The following ZFP69 variants were observed in gnomAD, a reference collection of about 807,000 sequenced individuals.
ZFP69 encodes the protein zinc finger protein 69 homolog.
Under a neutral mutation model 48.9 loss-of-function variants are expected in ZFP69, and 35 were observed. The ratio of observed to expected loss-of-function variants is 0.72; its 90% CI spans 0.55 to 0.95. The LOEUF (loss-of-function observed/expected upper bound fraction) is 0.95. ZFP69 is among the 40% of genes least tolerant of loss of function. ZFP69 has a pLI of 0.00. For synonymous variants in ZFP69, 193 were observed against 216.8 expected (o/e 0.89, Z 0.96); for missense variants, 557 against 638.4 (o/e 0.87, Z 1.37).
intron 5 of ZFP69, among the ~76,000 whole-genome samples, chr1:40,494,711 T>A (rs139169843): frequency 0.21 from 31,159 of 145,170 alleles, 3,395 homozygotes; most frequent in Middle Eastern, 0.33. Flanking sequence ...TATATATATA[T>A]AAATATATAT....
intron 2 of ZFP69, 36 bp downstream of exon 2, chr1:40,479,524 C>A: frequency 1.3e-6 from 2 of 1,581,466 alleles, no homozygotes; most frequent in Non-Finnish European, 1.7e-6. Flanking sequence ...AGAAGGGGAT[C>A]TCATTTGTGT....
At chr1:40,481,224 G>A (rs1261358778) in intron 2 of ZFP69, among the ~76,000 whole-genome samples, 1 of 144,346 alleles carries the variant, frequency 6.9e-6, no homozygotes, top group Non-Finnish European at 1.5e-5. Context: ...GTGCCTTGAA[G>A]AAAATGGGGC....
intron 3 of ZFP69, among the ~76,000 whole-genome samples, chr1:40,484,883 CTTTTTTTTTTTT>C (rs71060386): frequency 6.8e-5 from 3 of 44,384 alleles, no homozygotes; most frequent in Admixed American, 4.1e-4. Context: ...GCCTGGCCTG[CTTTTTTTTTTTT>C]TTTTTTTTTT....
chr1:40,479,352 G>A lies in ZFP69; in HGVS notation c.-10G>A, dbSNP rs1396476632. ...CACCAGAAGTGGACAAGTCCAGTAA[G>A]GCAGGCATCATGCCACAGCAGCTCC... On this transcript the variant is annotated 5_prime_UTR_variant, in exon 2 of 6. Coordinates refer to ENST00000372706, the MANE Select transcript of ZFP69 (RefSeq NM_001320179.2). The A allele has an allele frequency of 1.9e-6, 3 of 1,613,214 alleles. No homozygotes were observed. The African/African-American group carries it at 4.0e-5, about 22-fold the overall frequency.
chr1:40,483,250 G>T (rs1201749567), intron 3 of ZFP69, among the ~76,000 whole-genome samples: 3 of 76,484 alleles, frequency 3.9e-5, no homozygotes, highest in African/African-American at 2.6e-4. Context: ...TTTTTTTAGA[G>T]ACTGAGTCTC....
chr1:40,489,866 CTTTTTTTTTTT>C (rs374820239), intron 5 of ZFP69, among the ~76,000 whole-genome samples: 21,132 of 115,562 alleles, frequency 0.18, 1,772 homozygotes, highest in Middle Eastern at 0.31. Flanking sequence ...TTTTCTTTTT[CTTTTTTTTTTT>C]TTTTTTTTTT....
In ZFP69 at chr1:40,496,224, C is replaced by T. The variant is rs1294897367; in HGVS notation, c.*165C>T. On this transcript the variant is annotated 3_prime_UTR_variant, in exon 6 of 6. Coordinates refer to ENST00000372706, the MANE Select transcript of ZFP69 (RefSeq NM_001320179.2). Reference sequence around the variant, plus strand: ...TGACAGGTATTGACTACTAACACCTCTAAAAAGTACTTAAGATTAAAATCT... The same window carrying T: ...TGACAGGTATTGACTACTAACACCTTTAAAAAGTACTTAAGATTAAAATCT... 1 of 546,148 alleles carries T rather than the reference C, an allele frequency of 1.8e-6. No homozygotes were observed. The highest frequency in any genetic ancestry group is 1.9e-5 in the African/African-American group (1 of 52,976). The allele number at this position is 546,148 out of a possible 1,614,324, so 33.8% of individuals were successfully genotyped here.
intron 3 of ZFP69, among the ~76,000 whole-genome samples, chr1:40,487,082 G>A (rs1645508231): frequency 6.6e-6 from 1 of 151,860 alleles, no homozygotes; most frequent in Non-Finnish European, 1.5e-5. Flanking sequence ...GCACCACCAT[G>A]CCCAGCTAAT....
In ZFP69 at chr1:40,495,961, T is replaced by C. The variant is rs898578858; in HGVS notation, c.1483T>C (p.Tyr495His). The C allele has an allele frequency of 2.5e-6, 4 of 1,614,082 alleles. No individual in the cohort carries two copies. The highest frequency in any genetic ancestry group is 3.4e-6 in the Non-Finnish European group (4 of 1,180,042). Residue 495 changes from tyrosine to histidine, a missense_variant, in exon 6 of 6, where the codon TAC (tyrosine) becomes CAC (histidine). Tyr to His is a moderately conservative substitution (Grantham distance 83). Coordinates refer to ENST00000372706, the MANE Select transcript of ZFP69 (RefSeq NM_001320179.2). ...HQRHHTGEKP[Y>H]ECNECGKAFS... is the part of the protein sequence containing the mutation. ...GAGACATCACACTGGAGAAAAACCT[T>C]ACGAATGTAACGAATGTGGAAAAGC...
chr1:40,495,924 T>G lies in ZFP69; in HGVS notation c.1446T>G (p.Phe482Leu). ...AAGCCTATAGGCATGATTCATCCTTTAAAAAACATCAGAGACATCACACTG... is the reference window on the plus strand; with the variant it reads ...AAGCCTATAGGCATGATTCATCCTTGAAAAAACATCAGAGACATCACACTG... ...CGKAYRHDSSFKKHQRHHTGE... is the reference protein window; with the variant it reads ...CGKAYRHDSSLKKHQRHHTGE... The change falls in exon 6 of 6, where the codon TTT (phenylalanine) becomes TTG (leucine). Residue 482 changes from phenylalanine (F) to leucine (L), a missense_variant. By Grantham distance (22) the Phe-to-Leu change is conservative. Transcript: ENST00000372706. 1 of 1,614,132 alleles carries G rather than the reference T, an allele frequency of 6.2e-7. No homozygotes were observed. Among genetic ancestry groups the G allele is most frequent in the Non-Finnish European group, 8.5e-7 (1 of 1,180,028 alleles).
At position 40,479,185 on chromosome 1, in the gene ZFP69, T is replaced by C. The variant is rs1645419261; in HGVS notation, c.-177T>C. 4 of 715,776 alleles carry C rather than the reference T, an allele frequency of 5.6e-6. No individual in the cohort carries two copies. The highest frequency in any genetic ancestry group is 9.2e-6 in the Non-Finnish European group (4 of 436,166). 44.3% of individuals were successfully genotyped at this position (715,776 alleles called of 1,614,324 possible). A position where few individuals can be genotyped will look rare whatever the true frequency, so the allele number is the denominator to read the frequency against. On this transcript the variant is annotated 5_prime_UTR_variant, in exon 2 of 6. Coordinates refer to ENST00000372706, the MANE Select transcript of ZFP69 (RefSeq NM_001320179.2). ...TTAAAGGGGAGTTTGTTTTCCAGAATTGTTAAAGTCACATCAGTCTCTAGG... is the reference window on the plus strand; with the variant it reads ...TTAAAGGGGAGTTTGTTTTCCAGAACTGTTAAAGTCACATCAGTCTCTAGG...
intron 3 of ZFP69, among the ~76,000 whole-genome samples, chr1:40,488,227 AC>A (rs1213056609): frequency 6.6e-6 from 1 of 151,580 alleles, no homozygotes; most frequent in African/African-American, 2.4e-5. Flanking sequence ...CTATTTCCAA[AC>A]CCTTTCGTCT....
At position 40,477,616 on chromosome 1, in the gene ZFP69, C is replaced by T. The variant is rs1366660491; in HGVS notation, c.-605C>T. 6.6e-6 allele frequency: 1 copy of T among 152,250 alleles called. No homozygotes were observed. The highest frequency in any genetic ancestry group is 1.9e-4 in the East Asian group (1 of 5,174). 9.4% of individuals were successfully genotyped at this position (152,250 alleles called of 1,614,324 possible). A position where few individuals can be genotyped will look rare whatever the true frequency, so the allele number is the denominator to read the frequency against. ...GGCGCTGCTGGGAAAGCCCACCCGCCTGGGCGGGCCCTTGATGGGAATGTG... is the reference window on the plus strand; with the variant it reads ...GGCGCTGCTGGGAAAGCCCACCCGCTTGGGCGGGCCCTTGATGGGAATGTG... On this transcript the variant is annotated 5_prime_UTR_variant, in exon 1 of 6. Transcript: ENST00000372706. This position sits in a 1 kb window ranked among gnomAD's most constrained non-coding sequence, Gnocchi z 4.0.
intron 3 of ZFP69, among the ~76,000 whole-genome samples, chr1:40,484,074 T>C (rs1645470531): frequency 6.6e-6 from 1 of 152,102 alleles, no homozygotes; most frequent in Non-Finnish European, 1.5e-5. Flanking sequence ...AAACTCCGTC[T>C]CAAAAAAAAT....
chr1:40,489,198 C>CA lies in ZFP69; in HGVS notation c.332dup (p.Asn111LysfsTer13), dbSNP rs764982927. 1 of 1,614,110 alleles carries CA rather than the reference C, an allele frequency of 6.2e-7. No individual in the cohort carries two copies. The highest frequency in any genetic ancestry group is 1.1e-5 in the South Asian group (1 of 91,070). On this transcript the variant is annotated frameshift_variant, in exon 4 of 6. Coordinates refer to ENST00000372706, the MANE Select transcript of ZFP69 (RefSeq NM_001320179.2). LOFTEE classifies it high-confidence loss of function. ...GAGAGGTGATGCTGGAGAACTACAG[C>CA]AACTTGGTGTCAGTGGGTAAGACTT...
intron 3 of ZFP69, among the ~76,000 whole-genome samples, chr1:40,483,011 T>C (rs1358364552): frequency 6.6e-6 from 1 of 152,136 alleles, no homozygotes; most frequent in African/African-American, 2.4e-5. Context: ...ACACTACGTC[T>C]AACAACTACA....
chr1:40,481,792 AAGACCC>A lies in ZFP69; in HGVS notation c.161_166del (p.Thr54_Gln55del), dbSNP rs1171219319. ...GCTGTCTCAGGATGCTGAGGACGTA[AAGACCC>A]AGAGAGAAAGTTTAGAGGATGAAGT... On this transcript the variant is annotated inframe_deletion, in exon 3 of 6. Coordinates refer to ENST00000372706, the MANE Select transcript of ZFP69 (RefSeq NM_001320179.2). The A allele has an allele frequency of 5.6e-6, 9 of 1,612,432 alleles. No homozygotes were observed. Among genetic ancestry groups the A allele is most frequent in the Non-Finnish European group, 7.6e-6 (9 of 1,178,978 alleles).
chr1:40,493,614 T>A (rs1256069023), intron 5 of ZFP69: 1 of 137,492 alleles, frequency 7.3e-6, no homozygotes, highest in Non-Finnish European at 1.5e-5. Context: ...TAGGGAGGGA[T>A]GCATAAATGG....
chr1:40,482,998 G>A (rs1338326760), intron 3 of ZFP69, among the ~76,000 whole-genome samples: 3 of 151,978 alleles, frequency 2.0e-5, no homozygotes, highest in Non-Finnish European at 4.4e-5. Context: ...TAACACTTAC[G>A]GAACACTACG....
Sources: allele counts gnomAD v4.1 joint callset (sites outside exome capture counted in the v4.1 genomes callset), GRCh38; gene constraint gnomAD v4.1.1; non-coding constraint Gnocchi (gnomAD v3.1); transcripts MANE v1.5; gene names NCBI Gene and HGNC (gene_info 2026-07-23, HGNC 2026-07-21).